PKP2: variants seen among roughly 807,000 people sequenced by gnomAD.
PKP2 encodes plakophilin 2, also known as plakophilin-2.
PKP2 carries 73 observed loss-of-function variants against 83.4 expected under a neutral mutation model. That is an observed-to-expected ratio of 0.88 (90% CI 0.72 to 1.06). PKP2 has a LOEUF of 1.06. Ranked by LOEUF, PKP2 falls within the 50% of genes least tolerant of loss-of-function variation. The pLI is 0.00. For missense variants in PKP2, 966 were observed against 1,065.4 expected (o/e 0.91, Z 1.30); for synonymous variants, 409 against 430.4 (o/e 0.95, Z 0.62).
At chr12:32,859,884 A>T (rs1956783471) in intron 4 of PKP2, among the ~76,000 whole-genome samples, 1 of 152,228 alleles carries the variant, frequency 6.6e-6, no homozygotes, top group Non-Finnish European at 1.5e-5. Context: ...ACCTTGTGGT[A>T]GTAATGGTAC....
intron 6 of PKP2, 129 bp downstream of exon 6, chr12:32,840,894 TAAATA>T (rs1956584246): frequency 6.9e-6 from 5 of 720,238 alleles, no homozygotes; most frequent in African/African-American, 1.8e-5. Flanking sequence ...GATAAATAAA[TAAATA>T]AAATAAACAA....
At chr12:32,869,090 G>C (rs1015858428) in intron 3 of PKP2, 28 bp from the exon 4 acceptor site, 5 of 1,613,020 alleles carry the variant, frequency 3.1e-6, no homozygotes, top group Non-Finnish European at 4.2e-6. Context: ...GATTCAGCCA[G>C]ATTCCAAACC....
At chr12:32,852,663 T>C (rs185615767) in intron 4 of PKP2, among the ~76,000 whole-genome samples, 51 of 152,296 alleles carry the variant, frequency 3.3e-4, no homozygotes, top group African/African-American at 1.2e-3. Flanking sequence ...CTGGACGTAA[T>C]AAGGAGTAAA....
intron 9 of PKP2, among the ~76,000 whole-genome samples, chr12:32,804,248 T>C (rs778289818): frequency 5.3e-5 from 8 of 152,216 alleles, no homozygotes; most frequent in Non-Finnish European, 8.8e-5. Flanking sequence ...TTCTGTTGGA[T>C]GGTTTTGCAA....
At chr12:32,863,821 T>C (rs1016067650) in intron 4 of PKP2, among the ~76,000 whole-genome samples, 9 of 152,202 alleles carry the variant, frequency 5.9e-5, no homozygotes, top group African/African-American at 2.2e-4. Context: ...CCCAGTTCAT[T>C]CTATGAGACT....
intron 3 of PKP2, among the ~76,000 whole-genome samples, chr12:32,871,699 C>T (rs1422082437): frequency 2.6e-5 from 4 of 151,932 alleles, no homozygotes; most frequent in South Asian, 2.1e-4. Flanking sequence ...CTCCTGACCT[C>T]GTGATCCACC....
At chr12:32,825,462 C>T (rs575052894) in intron 6 of PKP2, among the ~76,000 whole-genome samples, 86 of 152,242 alleles carry the variant, frequency 5.6e-4, no homozygotes, top group African/African-American at 1.9e-3. Flanking sequence ...TGAGCTACCA[C>T]GCCTGGCCCA....
chr12:32,846,192 C>CCGTTT (rs1956643520), intron 5 of PKP2, among the ~76,000 whole-genome samples: 1 of 152,164 alleles, frequency 6.6e-6, no homozygotes, highest in Admixed American at 6.5e-5. Flanking sequence ...TAATCCAAGG[C>CCGTTT]ATATCCCTGC....
rs561384549 is a variant in PKP2 at position 32,824,378 on chromosome 12, A to G, written c.1557-216T>C. On this transcript the variant is annotated intron_variant, in intron 6 of 12. Coordinates refer to ENST00000340811, the MANE Select transcript of PKP2 (RefSeq NM_001005242.3). ...TTTCCAAACAACACGTAATTGTGTC[A>G]TAAGTCTTCTACTTCACTCCAAGTA... 5.4e-6 allele frequency: 3 copies of G among 553,866 alleles called. No homozygotes were observed. The East Asian group carries it at 9.6e-5, about 18-fold the overall frequency. The allele number at this position is 553,866 out of a possible 1,614,324, so 34.3% of individuals were successfully genotyped here. A position where few individuals can be genotyped will look rare whatever the true frequency, so the allele number is the denominator to read the frequency against.
At chr12:32,869,923 G>A (rs1053000049) in intron 3 of PKP2, among the ~76,000 whole-genome samples, 2 of 152,046 alleles carry the variant, frequency 1.3e-5, no homozygotes, top group African/African-American at 2.4e-5. Flanking sequence ...CAGCTACTTG[G>A]AAGGCTGAGG....
intron 1 of PKP2, among the ~76,000 whole-genome samples, chr12:32,895,047 A>G (rs1416847436): frequency 6.6e-6 from 1 of 152,160 alleles, no homozygotes; most frequent in African/African-American, 2.4e-5. Flanking sequence ...TAATGATAAA[A>G]CTGATAAGTT....
At chr12:32,855,644 C>T (rs367773516) in intron 4 of PKP2, among the ~76,000 whole-genome samples, 3 of 151,592 alleles carry the variant, frequency 2.0e-5, no homozygotes, top group Admixed American at 6.6e-5. Context: ...GGTGTGGTGG[C>T]GCAAGCCTGT....
At chr12:32,870,245 A>G (rs1275804531) in intron 3 of PKP2, among the ~76,000 whole-genome samples, 1 of 152,140 alleles carries the variant, frequency 6.6e-6, no homozygotes, top group African/African-American at 2.4e-5. Flanking sequence ...CCATGAATAC[A>G]TGCACATGTG....
At chr12:32,843,072 C>T (rs551857322) in intron 5 of PKP2, 215 of 360,916 alleles carry the variant, frequency 6.0e-4, no homozygotes, top group African/African-American at 4.2e-3. Flanking sequence ...TTCTGCCTCC[C>T]GGGTTCAAGT....
In PKP2 at chr12:32,823,979, G is replaced by A. The variant is rs142742495; in HGVS notation, c.1674+66C>T. On this transcript the variant is annotated intron_variant, in intron 7 of 12. Coordinates refer to ENST00000340811, the MANE Select transcript of PKP2 (RefSeq NM_001005242.3). ...TCAGTGAATAAACCTAAAACCAAGC[G>A]GCTATCTTAAGAATATTCTGAAGCA... The A allele has an allele frequency of 4.5e-4, 425 of 954,066 alleles. 2 individuals carry two copies. The African/African-American group carries it at 6.0e-3, about 13-fold the overall frequency. The allele number at this position is 954,066 out of a possible 1,614,324, so 59.1% of individuals were successfully genotyped here.
chr12:32,896,485 C>A (rs1957125226), intron 1 of PKP2, 24 bp downstream of exon 1: 1 of 1,448,570 alleles, frequency 6.9e-7, no homozygotes, highest in East Asian at 2.7e-5. Context: ...GGGGCGGCGC[C>A]GGGGAGCGGC....
At chr12:32,841,283 T>A in intron 5 of PKP2, 78 bp from the exon 6 acceptor site, 1 of 1,201,408 alleles carries the variant, frequency 8.3e-7, no homozygotes, top group South Asian at 1.2e-5. Context: ...GTCAAGGCCA[T>A]CAACTCCAGG....
At chr12:32,813,038 C>T (rs1388393248) in intron 9 of PKP2, among the ~76,000 whole-genome samples, 4 of 152,082 alleles carry the variant, frequency 2.6e-5, no homozygotes, top group Non-Finnish European at 4.4e-5. Flanking sequence ...CTTCCAGGAG[C>T]TTACTAGAGA....
intron 10 of PKP2, among the ~76,000 whole-genome samples, chr12:32,798,824 CA>C (rs1388215738): frequency 1.3e-5 from 2 of 152,164 alleles, no homozygotes; most frequent in Non-Finnish European, 1.5e-5. Flanking sequence ...TAGAAGATAA[CA>C]CTGGAAAAAC....
Sources: allele counts gnomAD v4.1 joint callset (sites outside exome capture counted in the v4.1 genomes callset), GRCh38; gene constraint gnomAD v4.1.1; transcripts MANE v1.5; gene names NCBI Gene and HGNC (gene_info 2026-07-23, HGNC 2026-07-21).